FGF10: variants seen among roughly 807,000 people sequenced by gnomAD.
FGF10 encodes the protein fibroblast growth factor 10, also known as FGF-10.
In FGF10, 2 loss-of-function variants were observed where a neutral mutation model predicts 19.8. The observed-to-expected ratio is 0.10, with a 90% CI of 0.04 to 0.32. The LOEUF (loss-of-function observed/expected upper bound fraction) is 0.32, where lower values mean the gene tolerates loss of function less well. FGF10 is among the 10% of genes least tolerant of loss of function. The probability of loss-of-function intolerance (pLI) is 1.00; values close to 1 mark genes in which losing one functional copy is unlikely to be tolerated. For synonymous variants in FGF10, 112 were observed against 94.0 expected (o/e 1.19, Z -1.10); for missense variants, 191 against 246.3 (o/e 0.78, Z 1.50).
At chr5:44,354,299 A>G (rs1327056045) in intron 1 of FGF10, among the ~76,000 whole-genome samples, 2 of 151,614 alleles carry the variant, frequency 1.3e-5, no homozygotes, top group South Asian at 2.1e-4. Context: ...CCTTAATATT[A>G]TAATTAATGG....
intron 1 of FGF10, among the ~76,000 whole-genome samples, chr5:44,376,010 T>C (rs1374760614): frequency 6.6e-6 from 1 of 152,122 alleles, no homozygotes; most frequent in Non-Finnish European, 1.5e-5. Flanking sequence ...TATTATTCAA[T>C]GATTTAGGGA....
chr5:44,305,294 G>T (rs1237590893), intron 2 of FGF10, 102 bp from the exon 3 acceptor site: 5 of 1,028,856 alleles, frequency 4.9e-6, no homozygotes, highest in African/African-American at 1.6e-5. Flanking sequence ...TCTGTTTGTA[G>T]TTGCCATTTG....
rs536392900 is a variant in FGF10 at position 44,329,340 on chromosome 5, C to T, written c.326-18810G>A. 2.6e-5 allele frequency among the ~76,000 whole-genome samples: 4 copies of T among 152,210 alleles called. No individual in the cohort carries two copies. In the East Asian group the frequency reaches 5.8e-4, roughly 22 times the overall value. The stretch of plus-strand genomic sequence containing the variant: ...TACAGGTGCATGCCACCACACCTGG[C>T]TAATTTTTGTATTTTTAGTAGACGC... On this transcript the variant is annotated intron_variant, in intron 1 of 2. Coordinates refer to ENST00000264664, the MANE Select transcript of FGF10 (RefSeq NM_004465.2).
At chr5:44,317,678 T>A (rs1383607507) in intron 1 of FGF10, among the ~76,000 whole-genome samples, 1 of 152,186 alleles carries the variant, frequency 6.6e-6, no homozygotes, top group African/African-American at 2.4e-5. Flanking sequence ...ATCTAATAGG[T>A]TTCTTCACAA....
intron 1 of FGF10, among the ~76,000 whole-genome samples, chr5:44,319,216 A>G (rs1224794979): frequency 6.6e-6 from 1 of 152,172 alleles, no homozygotes; most frequent in African/African-American, 2.4e-5. Context: ...ATTTATAAAG[A>G]GAGAAAAAAA....
intron 1 of FGF10, among the ~76,000 whole-genome samples, chr5:44,384,538 A>T (rs866818427): frequency 6.6e-6 from 1 of 152,140 alleles, no homozygotes; most frequent in South Asian, 2.1e-4. Context: ...TGAGGTGTCA[A>T]ATTCTAATAA....
intron 1 of FGF10, among the ~76,000 whole-genome samples, chr5:44,371,668 T>C (rs1194848473): frequency 6.6e-6 from 1 of 152,160 alleles, no homozygotes; most frequent in Non-Finnish European, 1.5e-5. Context: ...TTTGCTTTTG[T>C]AGTGCCTAGC....
chr5:44,326,151 C>G (rs1026078403), intron 1 of FGF10, among the ~76,000 whole-genome samples: 1 of 152,168 alleles, frequency 6.6e-6, no homozygotes, highest in Non-Finnish European at 1.5e-5. Flanking sequence ...AAATGGAACT[C>G]AGGAATAGAA....
At chr5:44,333,396 G>T (rs1740780857) in intron 1 of FGF10, among the ~76,000 whole-genome samples, 1 of 152,142 alleles carries the variant, frequency 6.6e-6, no homozygotes, top group South Asian at 2.1e-4. Flanking sequence ...AAGCAAGGAA[G>T]CCAACCCAGC....
intron 1 of FGF10, among the ~76,000 whole-genome samples, chr5:44,360,777 A>T (rs1187502115): frequency 6.6e-6 from 1 of 151,660 alleles, no homozygotes; most frequent in Non-Finnish European, 1.5e-5. Flanking sequence ...CATGATGACA[A>T]TCATTAACAC....
Position 44,389,167 on chromosome 5 carries a change from G to C in FGF10, c.-485C>G. 4.6e-6 allele frequency: 1 copy of C among 218,514 alleles called. No individual in the cohort carries two copies. Among genetic ancestry groups the C allele is most frequent in the Non-Finnish European group, 9.4e-6 (1 of 106,930 alleles). The allele number at this position is 218,514 out of a possible 1,614,324, so 13.5% of individuals were successfully genotyped here. A position where few individuals can be genotyped will look rare whatever the true frequency, so the allele number is the denominator to read the frequency against. On this transcript the variant is annotated 5_prime_UTR_variant, in exon 1 of 3. Transcript: ENST00000264664. ...TGGCACCTTCTGGTCTCTCTCTGCGGAGCCCCAGCCTGCGAGCCACTTCTA... is the reference window on the plus strand; with the variant it reads ...TGGCACCTTCTGGTCTCTCTCTGCGCAGCCCCAGCCTGCGAGCCACTTCTA...
chr5:44,359,878 C>G (rs1367891569), intron 1 of FGF10, among the ~76,000 whole-genome samples: 1 of 151,464 alleles, frequency 6.6e-6, no homozygotes, highest in Non-Finnish European at 1.5e-5. Context: ...CATGGTCTAT[C>G]ATTCTACTTT....
intron 2 of FGF10, among the ~76,000 whole-genome samples, chr5:44,306,100 ACT>A (rs1740070072): frequency 6.6e-6 from 1 of 152,088 alleles, no homozygotes; most frequent in Non-Finnish European, 1.5e-5. Flanking sequence ...TGATCTCAAG[ACT>A]CTGGCTTTAG....
At chr5:44,315,287 G>A (rs1421404273) in intron 1 of FGF10, among the ~76,000 whole-genome samples, 2 of 152,058 alleles carry the variant, frequency 1.3e-5, no homozygotes, top group Non-Finnish European at 2.9e-5. Context: ...GAAGACAGCT[G>A]GTGTTTGAGG....
intron 1 of FGF10, among the ~76,000 whole-genome samples, chr5:44,348,975 A>C (rs974434901): frequency 2.6e-5 from 4 of 151,518 alleles, no homozygotes; most frequent in Admixed American, 6.6e-5. Context: ...TTGCATGGTG[A>C]ACCAGGGTTT....
intron 1 of FGF10, among the ~76,000 whole-genome samples, chr5:44,383,230 T>G (rs1742022374): frequency 1.3e-5 from 2 of 152,084 alleles, no homozygotes; most frequent in Non-Finnish European, 2.9e-5. Flanking sequence ...AGTAATTGTA[T>G]AGAAATTTAA....
intron 1 of FGF10, among the ~76,000 whole-genome samples, chr5:44,329,902 C>T (rs967275162): frequency 1.3e-5 from 2 of 152,114 alleles, no homozygotes; most frequent in Non-Finnish European, 2.9e-5. Context: ...CCTGGCTTCC[C>T]ATGGAGACAC....
intron 1 of FGF10, among the ~76,000 whole-genome samples, chr5:44,350,210 T>A (rs1741200451): frequency 6.6e-6 from 1 of 150,650 alleles, no homozygotes; most frequent in African/African-American, 2.4e-5. Context: ...TATACATAAA[T>A]GGTTAAGTAA....
chr5:44,355,442 T>C (rs974414770), intron 1 of FGF10, among the ~76,000 whole-genome samples: 9 of 151,232 alleles, frequency 6.0e-5, no homozygotes, highest in African/African-American at 2.2e-4. Context: ...AGAGAGCTTA[T>C]AGAGGACTCT....
Sources: allele counts gnomAD v4.1 joint callset (sites outside exome capture counted in the v4.1 genomes callset), GRCh38; gene constraint gnomAD v4.1.1; transcripts MANE v1.5; gene names NCBI Gene and HGNC (gene_info 2026-07-23, HGNC 2026-07-21).